C3: variants seen among roughly 807,000 people sequenced by gnomAD.
C3 encodes the protein complement C3.
In C3, 97 loss-of-function variants were observed where a neutral mutation model predicts 207.9. That is an observed-to-expected ratio of 0.47 (90% CI 0.40 to 0.55). The LOEUF (loss-of-function observed/expected upper bound fraction) is 0.55, where lower values mean the gene tolerates loss of function less well. Among genes scored for constraint, C3 ranks in the 20% least tolerant of loss-of-function variants. The probability of loss-of-function intolerance (pLI) is 0.00; values close to 1 mark genes in which losing one functional copy is unlikely to be tolerated. For synonymous variants in C3, 848 were observed against 857.6 expected (o/e 0.99, Z 0.20); for missense variants, 1,684 against 2,171.7 (o/e 0.78, Z 4.46).
At position 6,696,360 on chromosome 19, in the gene C3, G is replaced by C. The variant is rs200645021; in HGVS notation, c.2950+19C>G. The C allele has an allele frequency of 1.9e-6, 3 of 1,566,958 alleles. No homozygotes were observed. Among genetic ancestry groups the C allele is most frequent in the African/African-American group, 2.7e-5 (2 of 74,174 alleles). On this transcript the variant is annotated intron_variant, in intron 23 of 40. Transcript: ENST00000245907. ...ATGCCCTCCTGGGACCCATGGGGTC[G>C]GGGTCAAGGGTGTCTCACCTTGCAG...
chr19:6,709,171 G>A (rs186450112), intron 14 of C3, among the ~76,000 whole-genome samples: 28 of 152,270 alleles, frequency 1.8e-4, no homozygotes, highest in African/African-American at 4.6e-4. Context: ...ATTCTCAGCC[G>A]GGCGCAGTGG....
intron 2 of C3, among the ~76,000 whole-genome samples, chr19:6,718,792 G>A (rs1968099415): frequency 6.6e-6 from 1 of 150,708 alleles, no homozygotes; most frequent in East Asian, 2.0e-4. Flanking sequence ...GGAGGGGCTT[G>A]GAAAAGGAAT....
chr19:6,708,623 TCTC>T (rs1276024331), intron 14 of C3, among the ~76,000 whole-genome samples: 2 of 143,860 alleles, frequency 1.4e-5, no homozygotes, highest in East Asian at 2.2e-4. Context: ...TTCCTCTTTA[TCTC>T]CTTTCTTTTT....
At chr19:6,682,757 G>C (rs1198168485) in intron 33 of C3, 3 of 174,548 alleles carry the variant, frequency 1.7e-5, no homozygotes, top group African/African-American at 7.2e-5. Context: ...ATTGGTCACT[G>C]AGCTTCTGCT....
intron 19 of C3, among the ~76,000 whole-genome samples, chr19:6,701,640 C>T (rs1053996603): frequency 2.6e-5 from 4 of 152,180 alleles, no homozygotes; most frequent in African/African-American, 9.6e-5. Context: ...CCTGCCTCAG[C>T]CTCCCGAGTA....
chr19:6,717,594 GTGT>G (rs1968061944), intron 4 of C3: 1 of 264,734 alleles, frequency 3.8e-6, no homozygotes. Flanking sequence ...TGTGTGTTGT[GTGT>G]TGTGTGTGTT....
Position 6,711,192 on chromosome 19 carries a change from C to A in C3, c.1274G>T (p.Arg425Leu), listed in dbSNP as rs201714568. The A allele has an allele frequency of 1.2e-4, 196 of 1,611,996 alleles. No homozygotes were observed. The highest frequency in any genetic ancestry group is 1.6e-4 in the Non-Finnish European group (188 of 1,179,856). Reference sequence around the variant, plus strand: ...CTCCGAGAGCTCCTGCTTCTTCGTGCGCACCTGGGTGGGGAAAGAGGGATG... The same window carrying A: ...CTCCGAGAGCTCCTGCTTCTTCGTGAGCACCTGGGTGGGGAAAGAGGGATG... Reference protein sequence around the residue: ...PSQKPLSITVRTKKQELSEAE... With the variant: ...PSQKPLSITVLTKKQELSEAE... Residue 425 changes from arginine to leucine, a missense_variant, in exon 12 of 41, where the codon CGC (arginine) becomes CTC (leucine). Transcript: ENST00000245907.
In C3 at chr19:6,707,534, A is replaced by T. The variant is rs781779833; in HGVS notation, c.1979T>A (p.Leu660His). 2 of 1,613,950 alleles carry T rather than the reference A, an allele frequency of 1.2e-6. No homozygotes were observed. Among genetic ancestry groups the T allele is most frequent in the Non-Finnish European group, 1.7e-6 (2 of 1,179,942 alleles). Residue 660 changes from leucine (L) to histidine (H), a missense_variant, in exon 16 of 41, where the codon CTT (leucine) becomes CAT (histidine). Physicochemically the swap from Leu to His is moderately conservative, Grantham distance 99 (BLOSUM62 -3). This residue lies in a region of C3 where 1,280 missense variants were observed against 1,739.1 expected (regional missense o/e 0.74). Coordinates refer to ENST00000245907, the MANE Select transcript of C3 (RefSeq NM_000064.4). ...GCGGGCGGCTGGCTGCGGGCACTGA[A>T]GTTCTGCAGGGCAGGCGGACCGAGA... is the stretch of plus-strand genomic sequence containing the variant. ...SGQQTAQRAE[L>H]QCPQPAARRR... is the part of the protein sequence containing the mutation.
At chr19:6,694,214 A>T (rs1231610541) in intron 24 of C3, among the ~76,000 whole-genome samples, 1 of 120,794 alleles carries the variant, frequency 8.3e-6, no homozygotes, top group Non-Finnish European at 1.7e-5. Flanking sequence ...CATGGCCTTG[A>T]GGAGAGGCGG....
At chr19:6,689,476 G>C (rs11569521) in intron 27 of C3, among the ~76,000 whole-genome samples, 16,006 of 151,230 alleles carry the variant, frequency 0.11, 1,001 homozygotes, top group Non-Finnish European at 0.13. Flanking sequence ...TTTTCCTAAG[G>C]GGGGAGAAGC....
chr19:6,687,084 C>T (rs1918028038), intron 27 of C3, among the ~76,000 whole-genome samples, 182 bp from the exon 28 acceptor site: 1 of 152,170 alleles, frequency 6.6e-6, no homozygotes, highest in Admixed American at 6.5e-5. Context: ...CTTGTTGCTG[C>T]ATATCTATTA....
In C3 at chr19:6,714,441, C is replaced by T. The variant is rs370998019; in HGVS notation, c.510G>A (p.Pro170=). ...AGTCCTGCTTGACCGGGATGCCTTC[C>T]GGGTTCTGTGGGAGGCAGGAGGGAA... is the stretch of plus-strand genomic sequence containing the variant. ...GRTVMVNIEN[P]EGIPVKQDSL... Residue 170 remains proline, a synonymous_variant, in exon 5 of 41, where the codon CCG becomes CCA. Coordinates refer to ENST00000245907, the MANE Select transcript of C3 (RefSeq NM_000064.4). 2.9e-5 allele frequency: 47 copies of T among 1,613,166 alleles called. No individual in the cohort carries two copies. Among genetic ancestry groups the T allele is most frequent in the African/African-American group, 9.3e-5 (7 of 75,054 alleles).
intron 19 of C3, among the ~76,000 whole-genome samples, chr19:6,698,892 T>G (rs1967593315): frequency 6.6e-6 from 1 of 151,814 alleles, no homozygotes; most frequent in Non-Finnish European, 1.5e-5. Flanking sequence ...TATCCTGGGT[T>G]CAAGCAATTC....
Position 6,714,473 on chromosome 19 carries a change from A to C in C3, c.505-27T>G, listed in dbSNP as rs776334145. On this transcript the variant is annotated intron_variant, in intron 4 of 40. Transcript: ENST00000245907. Reference sequence around the variant, plus strand: ...TGTGGGAGGCAGGAGGGAAGGATAGAGGATAAAGTGGCTCTTCGGAGGCTG... The same window carrying C: ...TGTGGGAGGCAGGAGGGAAGGATAGCGGATAAAGTGGCTCTTCGGAGGCTG... 10 of 1,554,438 alleles carry C rather than the reference A, an allele frequency of 6.4e-6. No homozygotes were observed. The South Asian group carries it at 1.1e-4, about 17-fold the overall frequency.
At chr19:6,710,541 G>A (rs1161133113) in intron 13 of C3, 98 bp downstream of exon 13, 3 of 917,894 alleles carry the variant, frequency 3.3e-6, no homozygotes, top group South Asian at 1.4e-5. Flanking sequence ...GAGAGAAAAG[G>A]AGAAAGGGAG....
intron 38 of C3, 67 bp from the exon 39 acceptor site, chr19:6,678,522 A>T: frequency 7.4e-7 from 1 of 1,346,498 alleles, no homozygotes; most frequent in Non-Finnish European, 1.1e-6. Flanking sequence ...CCTGGTTTGC[A>T]AGTGCACCCG....
Position 6,679,291 on chromosome 19 carries a change from C to T in C3, c.4547-83G>A, listed in dbSNP as rs1917797358. On this transcript the variant is annotated intron_variant, in intron 37 of 40. Transcript: ENST00000245907. ...CCATGGGTGTGGCCAGCCCTGGGAG[C>T]CTACCCCCCTTGGTATCCCCTGGGT... 3 of 1,460,174 alleles carry T rather than the reference C, an allele frequency of 2.1e-6. No individual in the cohort carries two copies. The South Asian group carries it at 3.4e-5, about 17-fold the overall frequency. 90.5% of individuals were successfully genotyped at this position (1,460,174 alleles called of 1,614,324 possible).
intron 21 of C3, among the ~76,000 whole-genome samples, chr19:6,697,041 C>CAAAAAAAAGAAAAAAA (rs200094017): frequency 1.4e-5 from 1 of 71,304 alleles, no homozygotes; most frequent in Non-Finnish European, 3.0e-5. Flanking sequence ...GACTCTGTCT[C>CAAAAAAAAGAAAAAAA]AAAAAAATAA....
Position 6,678,130 on chromosome 19 carries a change from C to A in C3, c.4850+22G>T, listed in dbSNP as rs1481477385. The A allele has an allele frequency of 3.1e-6, 5 of 1,613,970 alleles. No individual in the cohort carries two copies. The Admixed American group carries it at 8.3e-5, about 27-fold the overall frequency. ...GGCGGGGCAGTCGGGCGGTCGCGCG[C>A]ACGCGCAGGGAAAGCACTCACTTGG... is the stretch of plus-strand genomic sequence containing the variant. On this transcript the variant is annotated intron_variant, in intron 40 of 40. Coordinates refer to ENST00000245907, the MANE Select transcript of C3 (RefSeq NM_000064.4).
Sources: allele counts gnomAD v4.1 joint callset (sites outside exome capture counted in the v4.1 genomes callset), GRCh38; gene constraint gnomAD v4.1.1; regional missense constraint gnomAD v4.1.1; transcripts MANE v1.5; gene names NCBI Gene and HGNC (gene_info 2026-07-23, HGNC 2026-07-21).